CRISPLD1: variants seen among roughly 807,000 people sequenced by gnomAD.
CRISPLD1 encodes cysteine-rich secretory protein LCCL domain-containing 1.
In CRISPLD1, 60 loss-of-function variants were observed where a neutral mutation model predicts 77.5. That is an observed-to-expected ratio of 0.77 (90% confidence interval 0.63 to 0.96). The LOEUF is 0.96. Among genes scored for constraint, CRISPLD1 ranks in the 40% least tolerant of loss-of-function variants. CRISPLD1 has a pLI of 0.00. For synonymous variants in CRISPLD1, 195 were observed against 200.1 expected (o/e 0.97, Z 0.22); for missense variants, 623 against 615.8 (o/e 1.01, Z -0.12).
chr8:75,034,354 A>G lies in CRISPLD1; in HGVS notation c.*2112A>G, dbSNP rs1310089545. 2 of 152,228 alleles carry G rather than the reference A, an allele frequency of 1.3e-5. No homozygotes were observed. Among genetic ancestry groups the G allele is most frequent in the African/African-American group, 2.4e-5 (1 of 41,578 alleles). 9.4% of individuals were successfully genotyped at this position (152,228 alleles called of 1,614,324 possible). The stretch of plus-strand genomic sequence containing the variant: ...TTAATTGACACATTATGTGTGATGT[A>G]CTTAAAGGAATAATAAATGCATAAT... On this transcript the variant is annotated 3_prime_UTR_variant, in exon 15 of 15. Transcript: ENST00000262207.
chr8:74,998,411 G>T (rs550646253), intron 2 of CRISPLD1, among the ~76,000 whole-genome samples: 1 of 152,122 alleles, frequency 6.6e-6, no homozygotes, highest in Admixed American at 6.5e-5. Flanking sequence ...TTAGTCCAGC[G>T]CCGTGGCTCA....
At chr8:74,999,327 ATTTTAAG>A (rs1325588668) in intron 2 of CRISPLD1, among the ~76,000 whole-genome samples, 1 of 152,184 alleles carries the variant, frequency 6.6e-6, no homozygotes, top group Non-Finnish European at 1.5e-5. Flanking sequence ...CATGCTTTAT[ATTTTAAG>A]TTTTAAGCCA....
chr8:75,024,577 G>A (rs1302466743), intron 12 of CRISPLD1, among the ~76,000 whole-genome samples: 3 of 152,022 alleles, frequency 2.0e-5, no homozygotes, highest in Admixed American at 6.6e-5. Context: ...CACCCACCTC[G>A]GCCTCCCAGA....
chr8:74,986,438 G>T (rs962528336), intron 2 of CRISPLD1, among the ~76,000 whole-genome samples, 193 bp downstream of exon 2: 75 of 152,262 alleles, frequency 4.9e-4, no homozygotes, highest in African/African-American at 1.8e-3. Flanking sequence ...TTCAGAGTAG[G>T]ACGAAATGCC....
chr8:75,024,929 A>G (rs28541485), intron 12 of CRISPLD1, among the ~76,000 whole-genome samples: 4,213 of 152,258 alleles, frequency 0.028, 192 homozygotes, highest in African/African-American at 0.096. Flanking sequence ...TGCAATGGGA[A>G]GCCTACGGAA....
chr8:75,001,417 A>G (rs1447452735), intron 2 of CRISPLD1, among the ~76,000 whole-genome samples: 2 of 152,192 alleles, frequency 1.3e-5, no homozygotes, highest in Admixed American at 6.5e-5. Context: ...TCCAGGAGAT[A>G]CAGTGATCAG....
rs200508939 is a variant in CRISPLD1 at position 75,012,461 on chromosome 8, C to A, written c.287C>A (p.Ala96Glu). Residue 96 changes from alanine to glutamate, a missense_variant, in exon 3 of 15, where the codon GCA (alanine) becomes GAA (glutamate). By Grantham distance (107) the Ala-to-Glu change is moderately radical. Transcript: ENST00000262207. Reference protein sequence around the residue: ...MTWDVELERSAESWAESCLWE... With the variant: ...MTWDVELERSEESWAESCLWE... ...TGGGATGTAGAGCTGGAAAGATCTG[C>A]AGAATCCTGGGCTGAAAGTTGCTTG... 134 of 1,612,662 alleles carry A rather than the reference C, an allele frequency of 8.3e-5. No homozygotes were observed. Among genetic ancestry groups the A allele is most frequent in the Non-Finnish European group, 1.4e-5 (17 of 1,178,996 alleles).
At chr8:75,000,215 C>T in intron 2 of CRISPLD1, 1 of 985,102 alleles carries the variant, frequency 1.0e-6, no homozygotes, top group Non-Finnish European at 1.2e-6. Context: ...ATATCTTATG[C>T]TTGGTCAAGA....
chr8:75,010,233 A>G (rs1047786575), intron 2 of CRISPLD1, among the ~76,000 whole-genome samples: 1 of 152,158 alleles, frequency 6.6e-6, no homozygotes, highest in African/African-American at 2.4e-5. Flanking sequence ...CAGAGCCACA[A>G]TGGAATGGGG....
At chr8:74,985,561 T>C (rs1812482623) in intron 1 of CRISPLD1, among the ~76,000 whole-genome samples, 1 of 152,196 alleles carries the variant, frequency 6.6e-6, no homozygotes, top group Non-Finnish European at 1.5e-5. Context: ...AATCAAACGT[T>C]CTAGGTAGAT....
intron 2 of CRISPLD1, among the ~76,000 whole-genome samples, chr8:74,991,895 G>A (rs766647748): frequency 2.6e-5 from 4 of 152,056 alleles, no homozygotes; most frequent in Non-Finnish European, 5.9e-5. Flanking sequence ...CTCTGCTCTC[G>A]CCATTCCACT....
chr8:74,990,573 T>C (rs1812556965), intron 2 of CRISPLD1, among the ~76,000 whole-genome samples: 1 of 150,976 alleles, frequency 6.6e-6, no homozygotes, highest in Admixed American at 6.6e-5. Flanking sequence ...AGCCTTGTCT[T>C]TGAGCTTCAT....
intron 2 of CRISPLD1, among the ~76,000 whole-genome samples, chr8:74,994,018 T>G (rs1053316109): frequency 2.0e-5 from 3 of 152,198 alleles, no homozygotes; most frequent in Non-Finnish European, 2.9e-5. Flanking sequence ...AGCTGAGTGA[T>G]AAGAAGCCAT....
chr8:75,028,129 C>A (rs1371151193), intron 13 of CRISPLD1, among the ~76,000 whole-genome samples: 5 of 152,118 alleles, frequency 3.3e-5, no homozygotes, highest in Admixed American at 6.5e-5. Flanking sequence ...TTAATTCCAT[C>A]TGTTAAGAAC....
rs542951040 is a variant in CRISPLD1, at chr8:75,008,338, G to T, written c.259-4095G>T. Among the ~76,000 whole-genome samples, 171 of 152,150 alleles carry T rather than the reference G, an allele frequency of 1.1e-3. 1 individual carries two copies. The highest frequency in any genetic ancestry group is 2.1e-3 in the Non-Finnish European group (141 of 67,996). Reference sequence around the variant, plus strand: ...AGAGGAATTAAAAAAGAAGCTCTTTGGGCCATCTTGATTTAATTTGTAAAC... The same window carrying T: ...AGAGGAATTAAAAAAGAAGCTCTTTTGGCCATCTTGATTTAATTTGTAAAC... On this transcript the variant is annotated intron_variant, in intron 2 of 14. Transcript: ENST00000262207.
At chr8:74,988,246 A>G (rs777510413) in intron 2 of CRISPLD1, among the ~76,000 whole-genome samples, 9 of 152,226 alleles carry the variant, frequency 5.9e-5, no homozygotes, top group Admixed American at 4.6e-4. Flanking sequence ...TAAAAATCCA[A>G]TTTATTCAAA....
At chr8:75,018,810 T>TCAA (rs1813082898) in intron 10 of CRISPLD1, among the ~76,000 whole-genome samples, 1 of 152,056 alleles carries the variant, frequency 6.6e-6, no homozygotes, top group Non-Finnish European at 1.5e-5. Flanking sequence ...GAGGCTGGTC[T>TCAA]CAAACTCCTG....
chr8:75,020,460 G>C (rs976367143), intron 12 of CRISPLD1, among the ~76,000 whole-genome samples: 2 of 152,186 alleles, frequency 1.3e-5, no homozygotes, highest in Admixed American at 1.3e-4. Context: ...TTCAGTTCCT[G>C]ATGAGGGCTC....
rs751800736 is a variant in CRISPLD1, at chr8:75,012,536, G to A, written c.362G>A (p.Gly121Glu). 6.2e-7 allele frequency: 1 copy of A among 1,604,372 alleles called. No individual in the cohort carries two copies. The highest frequency in any genetic ancestry group is 8.5e-7 in the Non-Finnish European group (1 of 1,171,428). The change falls in exon 3 of 15, where the codon GGA becomes GAA. Residue 121 changes from glycine to glutamate, a missense_variant. By Grantham distance (98) the Gly-to-Glu change is moderately conservative. Coordinates refer to ENST00000262207, the MANE Select transcript of CRISPLD1 (RefSeq NM_031461.6). ...CTTCCATCAATTGGACAGAATTTGG[G>A]AGCACACTGGGGAAGGTATCTTAAA... Reference protein sequence around the residue: ...SLLPSIGQNLGAHWGRYRPPT... With the variant: ...SLLPSIGQNLEAHWGRYRPPT...
Sources: gnomAD v4.1 joint callset for allele counts (sites outside exome capture counted in the v4.1 genomes callset) on GRCh38, gnomAD v4.1.1 for gene constraint, MANE v1.5 for transcripts, NCBI Gene and HGNC (gene_info 2026-07-23, HGNC 2026-07-21) for gene names.